CMTR1: variants seen among roughly 807,000 people sequenced by gnomAD.
CMTR1 encodes cap-specific mRNA (nucleoside-2'-O-)-methyltransferase 1.
A neutral mutation model predicts 107.0 loss-of-function variants in CMTR1; 39 were observed. That is an observed-to-expected ratio of 0.36 (90% CI 0.28 to 0.48). The LOEUF (loss-of-function observed/expected upper bound fraction) is 0.48, where lower values mean the gene tolerates loss of function less well. Ranked by LOEUF, CMTR1 falls within the 20% of genes least tolerant of loss-of-function variation. The pLI is 0.99. For missense variants in CMTR1, 672 were observed against 1,064.9 expected (o/e 0.63, Z 5.14); for synonymous variants, 366 against 379.5 (o/e 0.96, Z 0.41).
At chr6:37,433,894 T>A (rs1771457637) in intron 1 of CMTR1, among the ~76,000 whole-genome samples, 1 of 152,194 alleles carries the variant, frequency 6.6e-6, no homozygotes, top group African/African-American at 2.4e-5. Context: ...TTGGATGAGA[T>A]GATTTGGAAG....
At chr6:37,430,370 T>C (rs920402322), upstream of CMTR1, among the ~76,000 whole-genome samples, 1 of 151,088 alleles carries the variant, frequency 6.6e-6, no homozygotes, top group African/African-American at 2.4e-5. Context: ...TCTGTTTTTC[T>C]TTTTATTCTT....
Position 37,450,253 on chromosome 6 carries a change from C to T in CMTR1, c.447C>T (p.Pro149=). The change falls in exon 5 of 24, where the codon CCC becomes CCT. Residue 149 remains proline, a splice_region_variant and synonymous_variant. Transcript: ENST00000373451. The part of the protein sequence containing the change: ...LNVDWRDEPE[P]SACEQVSWFP... ...ACTAGCCTCTCTTTTGTTTGCAGCC[C>T]AGTGCTTGTGAGCAGGTGTCATGGT... 6.2e-7 allele frequency: 1 copy of T among 1,613,676 alleles called. No homozygotes were observed. The highest frequency in any genetic ancestry group is 8.5e-7 in the Non-Finnish European group (1 of 1,179,734).
Position 37,460,255 on chromosome 6 carries a change from G to A in CMTR1, c.1095+571G>A, listed in dbSNP as rs117617101. 3.0e-4 allele frequency among the ~76,000 whole-genome samples: 46 copies of A among 152,322 alleles called. No homozygotes were observed. The East Asian group carries it at 8.9e-3, about 29-fold the overall frequency. On this transcript the variant is annotated intron_variant, in intron 10 of 23. Coordinates refer to ENST00000373451, the MANE Select transcript of CMTR1 (RefSeq NM_015050.3). ...AAAAGCCTCTGGGACTCTTTGGGTG[G>A]CCTCTTAAGCAGTAGCTGTGTGGCT...
At chr6:37,457,871 A>C (rs1761328588) in intron 8 of CMTR1, among the ~76,000 whole-genome samples, 1 of 151,940 alleles carries the variant, frequency 6.6e-6, no homozygotes, top group Admixed American at 6.6e-5. Context: ...GGCCAACTGG[A>C]CCCTGATTTA....
intron 11 of CMTR1, 31 bp from the exon 12 acceptor site, chr6:37,461,939 G>T (rs1412386502): frequency 6.2e-7 from 1 of 1,612,368 alleles, no homozygotes; most frequent in Admixed American, 1.7e-5. Context: ...TAGACCCATT[G>T]GCTGCTTTTG....
intron 4 of CMTR1, among the ~76,000 whole-genome samples, chr6:37,447,363 T>C (rs1771819169): frequency 6.6e-6 from 1 of 152,230 alleles, no homozygotes; most frequent in South Asian, 2.1e-4. Flanking sequence ...GGGGCCGGTC[T>C]CGCTGTTGCC....
chr6:37,446,512 G>A (rs201048744), intron 4 of CMTR1, 63 bp downstream of exon 4: 755 of 1,541,306 alleles, frequency 4.9e-4, no homozygotes, highest in Middle Eastern at 5.2e-4. Context: ...ATGGCTTTAA[G>A]AAGCCATATC....
At position 37,472,518 on chromosome 6, in the gene CMTR1, A is replaced by T; in HGVS notation, c.1689+31A>T. 1 of 1,603,388 alleles carries T rather than the reference A, an allele frequency of 6.2e-7. No individual in the cohort carries two copies. Among genetic ancestry groups the T allele is most frequent in the South Asian group, 1.1e-5 (1 of 90,856 alleles). On this transcript the variant is annotated intron_variant, in intron 16 of 23. Transcript: ENST00000373451. The surrounding 1 kb of genome is among the most constrained non-coding windows in gnomAD (Gnocchi z 4.1). Reference sequence around the variant, plus strand: ...ACTGGTATCTGTGGTGGACATAAAAAGTTAGAGATCTGTCTCTAGATGTGG... The same window carrying T: ...ACTGGTATCTGTGGTGGACATAAAATGTTAGAGATCTGTCTCTAGATGTGG...
In CMTR1 at chr6:37,462,228, G is replaced by A. The variant is rs944846880; in HGVS notation, c.1325+126G>A. ...AACCTTGACTTTAAAGAAGTGATGA[G>A]AGCCAACAGGATTCAGGATTCCTGG... is the stretch of plus-strand genomic sequence containing the variant. On this transcript the variant is annotated intron_variant, in intron 12 of 23. Transcript: ENST00000373451. 5.6e-5 allele frequency: 62 copies of A among 1,104,454 alleles called. No individual in the cohort carries two copies. In the African/African-American group the frequency reaches 8.7e-4, roughly 16 times the overall value. 68.4% of individuals were successfully genotyped at this position (1,104,454 alleles called of 1,614,324 possible).
Position 37,481,471 on chromosome 6 carries a change from G to A in CMTR1, c.*1326G>A. 1 of 1,128,312 alleles carries A rather than the reference G, an allele frequency of 8.9e-7. No homozygotes were observed. The highest frequency in any genetic ancestry group is 1.1e-6 in the Non-Finnish European group (1 of 912,464). The allele number at this position is 1,128,312 out of a possible 1,614,324, so 69.9% of individuals were successfully genotyped here. On this transcript the variant is annotated 3_prime_UTR_variant, in exon 24 of 24. Transcript: ENST00000373451. ...AATTCTGGGTATATCAGTGTGTCTT[G>A]CAGAATCTTGGATCATTAAAGATAA...
chr6:37,465,299 A>G (rs1183325617), intron 13 of CMTR1, among the ~76,000 whole-genome samples: 3 of 151,986 alleles, frequency 2.0e-5, no homozygotes, highest in African/African-American at 7.2e-5. Flanking sequence ...TATAAAAACA[A>G]TAGAACAATT....
intron 19 of CMTR1, chr6:37,475,841 T>G (rs1404566675): frequency 2.0e-6 from 1 of 504,196 alleles, no homozygotes; most frequent in African/African-American, 1.9e-5. Flanking sequence ...AGATGATACT[T>G]GAAGTTCTAG....
Position 37,472,935 on chromosome 6 carries a change from C to A in CMTR1, c.1689+448C>A, listed in dbSNP as rs1382548675. Reference sequence around the variant, plus strand: ...TTCTGGTGAGCTGGTCCTCAGAGTTCTTTTGCCCTGTTTCTTCTACCACTC... The same window carrying A: ...TTCTGGTGAGCTGGTCCTCAGAGTTATTTTGCCCTGTTTCTTCTACCACTC... On this transcript the variant is annotated intron_variant, in intron 16 of 23. Coordinates refer to ENST00000373451, the MANE Select transcript of CMTR1 (RefSeq NM_015050.3). This position sits in a 1 kb window ranked among gnomAD's most constrained non-coding sequence, Gnocchi z 4.1. Among the ~76,000 whole-genome samples the A allele has an allele frequency of 6.6e-6, 1 of 152,180 alleles. No individual in the cohort carries two copies. Among genetic ancestry groups the A allele is most frequent in the African/African-American group, 2.4e-5 (1 of 41,448 alleles).
chr6:37,448,080 G>A (rs989372462), intron 4 of CMTR1, among the ~76,000 whole-genome samples: 3 of 151,558 alleles, frequency 2.0e-5, no homozygotes, highest in African/African-American at 4.9e-5. Context: ...GCATGGTGGC[G>A]GGCACCTGTA....
chr6:37,461,557 G>C lies in CMTR1; in HGVS notation c.1104G>C (p.Ser368=). ...TTGTGCTCTCATTTCAGGGTTTCTC[G>C]GTGGAGGGGCAGGAGAACCTGCAGG... ...VHFLMADGGF[S]VEGQENLQEI... is the part of the protein sequence containing the mutation. The change falls in exon 11 of 24, where the codon TCG becomes TCC. Residue 368 remains serine (S), a synonymous_variant. Coordinates refer to ENST00000373451, the MANE Select transcript of CMTR1 (RefSeq NM_015050.3). 6.2e-7 allele frequency: 1 copy of C among 1,602,040 alleles called. No homozygotes were observed. Among genetic ancestry groups the C allele is most frequent in the South Asian group, 1.1e-5 (1 of 90,468 alleles).
intron 15 of CMTR1, 96 bp downstream of exon 15, chr6:37,472,000 C>A: frequency 8.9e-7 from 1 of 1,121,652 alleles, no homozygotes; most frequent in Non-Finnish European, 1.3e-6. Context: ...GGTGTCTCTG[C>A]ATCCAAAAAT....
upstream of CMTR1, among the ~76,000 whole-genome samples, chr6:37,432,006 C>T (rs757560632): frequency 2.6e-5 from 4 of 152,124 alleles, no homozygotes; most frequent in Non-Finnish European, 5.9e-5. Context: ...TCAGTAGAGA[C>T]GGGATTTCAC....
chr6:37,460,507 G>A (rs917955720), intron 10 of CMTR1, among the ~76,000 whole-genome samples: 1 of 151,746 alleles, frequency 6.6e-6, no homozygotes, highest in Admixed American at 6.6e-5. Context: ...CAGCACTTCA[G>A]CAGTGTAAAG....
At chr6:37,449,498 G>A (rs1040730630) in intron 4 of CMTR1, among the ~76,000 whole-genome samples, 1 of 151,892 alleles carries the variant, frequency 6.6e-6, no homozygotes, top group African/African-American at 2.4e-5. Context: ...TAGTAGAGAC[G>A]GGGTTTCACC....
Sources: gnomAD v4.1 joint callset for allele counts (sites outside exome capture counted in the v4.1 genomes callset) on GRCh38, gnomAD v4.1.1 for gene constraint, Gnocchi (gnomAD v3.1) non-coding constraint, MANE v1.5 for transcripts, NCBI Gene and HGNC (gene_info 2026-07-23, HGNC 2026-07-21) for gene names.